PLPBP: variants seen among roughly 807,000 people sequenced by gnomAD.
PLPBP encodes pyridoxal phosphate homeostasis protein.
In PLPBP, 21 loss-of-function variants were observed where a neutral mutation model predicts 31.2. The observed-to-expected ratio is 0.67, with a 90% CI of 0.48 to 0.97. The LOEUF (loss-of-function observed/expected upper bound fraction) is 0.97. PLPBP is among the 50% of genes least tolerant of loss of function. The pLI is 0.00. For synonymous variants in PLPBP, 124 were observed against 135.6 expected (o/e 0.91, Z 0.59); for missense variants, 308 against 354.4 (o/e 0.87, Z 1.05).
intron 4 of PLPBP, among the ~76,000 whole-genome samples, chr8:37,767,561 A>G (rs957256796): frequency 1.3e-5 from 2 of 152,140 alleles, no homozygotes; most frequent in African/African-American, 4.8e-5. Flanking sequence ...GTATAAGTAT[A>G]TTACAATTTG....
rs1156278292 is a variant in PLPBP, at chr8:37,779,006, C to T, written c.*902C>T. 1 of 151,880 alleles carries T rather than the reference C, an allele frequency of 6.6e-6. No individual in the cohort carries two copies. The highest frequency in any genetic ancestry group is 1.5e-5 in the Non-Finnish European group (1 of 68,010). 9.4% of individuals were successfully genotyped at this position (151,880 alleles called of 1,614,324 possible). ...ATGCTGTCACATTTCTTAAAGCAAC[C>T]TTTTAATATGCAGATAATACCCCCC... On this transcript the variant is annotated 3_prime_UTR_variant, in exon 8 of 8. Coordinates refer to ENST00000328195, the MANE Select transcript of PLPBP (RefSeq NM_007198.4).
intron 5 of PLPBP, among the ~76,000 whole-genome samples, chr8:37,773,237 G>C (rs895360368): frequency 6.7e-6 from 1 of 150,298 alleles, no homozygotes; most frequent in African/African-American, 2.5e-5. Flanking sequence ...GTGCGATCTC[G>C]GCTCACTGCA....
intron 7 of PLPBP, 96 bp from the exon 8 acceptor site, chr8:37,777,877 A>G: frequency 7.2e-7 from 1 of 1,390,000 alleles, no homozygotes; most frequent in Non-Finnish European, 9.9e-7. Context: ...CGTCCATAGA[A>G]GGCTCTTGAG....
At chr8:37,766,257 C>T (rs1343919532) in intron 3 of PLPBP, 23 bp from the exon 4 acceptor site, 10 of 1,586,418 alleles carry the variant, frequency 6.3e-6, no homozygotes, top group South Asian at 1.1e-5. Flanking sequence ...CTGAATTACA[C>T]ATGGTTACCT....
At chr8:37,762,934 CTG>C (rs1246211368) in intron 1 of PLPBP, among the ~76,000 whole-genome samples, 176 bp downstream of exon 1, 2 of 152,178 alleles carry the variant, frequency 1.3e-5, no homozygotes, top group African/African-American at 4.8e-5. Context: ...TACCTTGAGT[CTG>C]TTAGGTTTTC....
rs1174749118 is a variant in PLPBP at position 37,778,907 on chromosome 8, ACTC to A, written c.*806_*808del. 1 of 149,324 alleles carries A rather than the reference ACTC, an allele frequency of 6.7e-6. No individual in the cohort carries two copies. Among genetic ancestry groups the A allele is most frequent in the Non-Finnish European group, 1.5e-5 (1 of 67,580 alleles). The allele number at this position is 149,324 out of a possible 1,614,324, so 9.2% of individuals were successfully genotyped here. A position where few individuals can be genotyped will look rare whatever the true frequency, so the allele number is the denominator to read the frequency against. On this transcript the variant is annotated 3_prime_UTR_variant, in exon 8 of 8. Transcript: ENST00000328195. ...CAGTGAGCTATGATTGCACCACTGT[ACTC>A]CTGCCTTAAAAAAAAAAAAAAAATC...
chr8:37,774,930 A>C (rs115792501), intron 5 of PLPBP: 4 of 158,734 alleles, frequency 2.5e-5, no homozygotes, highest in Admixed American at 1.9e-4. Flanking sequence ...CATGTACTTT[A>C]TACTAAATTT....
rs1803596786 is a variant in PLPBP, at chr8:37,765,430, G to A, written c.100-96G>A. 1.9e-5 allele frequency: 22 copies of A among 1,171,382 alleles called. No individual in the cohort carries two copies. In the South Asian group the frequency reaches 2.7e-4, roughly 14 times the overall value. The allele number at this position is 1,171,382 out of a possible 1,614,324, so 72.6% of individuals were successfully genotyped here. A position where few individuals can be genotyped will look rare whatever the true frequency, so the allele number is the denominator to read the frequency against. On this transcript the variant is annotated intron_variant, in intron 1 of 7. Coordinates refer to ENST00000328195, the MANE Select transcript of PLPBP (RefSeq NM_007198.4). ...TGGATCTTACCTAATGCCAAGTTGA[G>A]ATCAATGCCTGTCTATCCTACAGGA...
intron 4 of PLPBP, among the ~76,000 whole-genome samples, chr8:37,770,669 C>T (rs979913031): frequency 5.1e-4 from 78 of 152,316 alleles, no homozygotes; most frequent in African/African-American, 1.8e-3. Context: ...CCTCCATCTC[C>T]TGGGTTCAAG....
In PLPBP at chr8:37,779,686, CAG is replaced by C. The variant is rs1417887358; in HGVS notation, c.*1585_*1586del. ...CAGTGAGAGCTACAGTGTGATATTT[CAG>C]AGTCTATTAAATAAAAATGTGAGTT... On this transcript the variant is annotated 3_prime_UTR_variant, in exon 8 of 8. Transcript: ENST00000328195. 1 of 152,672 alleles carries C rather than the reference CAG, an allele frequency of 6.5e-6. No individual in the cohort carries two copies. The highest frequency in any genetic ancestry group is 1.9e-4 in the East Asian group (1 of 5,198). 9.5% of individuals were successfully genotyped at this position (152,672 alleles called of 1,614,324 possible). A position where few individuals can be genotyped will look rare whatever the true frequency, so the allele number is the denominator to read the frequency against.
At position 37,775,960 on chromosome 8, in the gene PLPBP, A is replaced by G; in HGVS notation, c.640A>G (p.Ile214Val). The G allele has an allele frequency of 1.9e-6, 3 of 1,614,040 alleles. No individual in the cohort carries two copies. Among genetic ancestry groups the G allele is most frequent in the Non-Finnish European group, 2.5e-6 (3 of 1,179,972 alleles). ...GGAGGAGCTGTGTAAAAAGCTGAAC[A>G]TCCCTGCTGACCAGGTTGAGCTGAG... Reference protein sequence around the residue: ...LREELCKKLNIPADQVELSMG... With the variant: ...LREELCKKLNVPADQVELSMG... The change falls in exon 7 of 8, where the codon ATC becomes GTC. Residue 214 changes from isoleucine (I) to valine (V), a missense_variant. By Grantham distance (29) the Ile-to-Val change is conservative. Transcript: ENST00000328195.
Position 37,775,411 on chromosome 8 carries a change from A to T in PLPBP, c.527A>T (p.Glu176Val). Residue 176 changes from glutamate to valine, a missense_variant, in exon 6 of 8, where the codon GAG (glutamate) becomes GTG (valine). This residue lies in a region of PLPBP where 188 missense variants were observed against 259.3 expected (regional missense o/e 0.73). Coordinates refer to ENST00000328195, the MANE Select transcript of PLPBP (RefSeq NM_007198.4). ...EHINAKCPNLEFVGLMTIGSF... is the reference protein window; with the variant it reads ...EHINAKCPNLVFVGLMTIGSF... ...ATAAACGCCAAGTGTCCTAACCTGGAGTTTGTGGGGCTGATGACCATAGGA... is the reference window on the plus strand; with the variant it reads ...ATAAACGCCAAGTGTCCTAACCTGGTGTTTGTGGGGCTGATGACCATAGGA... The T allele has an allele frequency of 6.2e-7, 1 of 1,614,170 alleles. No individual in the cohort carries two copies. The highest frequency in any genetic ancestry group is 8.5e-7 in the Non-Finnish European group (1 of 1,180,042).
rs377317462 is a variant in PLPBP, at chr8:37,766,369, A to G, written c.319+14A>G. On this transcript the variant is annotated intron_variant, in intron 4 of 7. Transcript: ENST00000328195. ...ACAAATTGATGGGTAAGATAAAATTAAATATGAAAACAAAATTGTTCTGTC... is the reference window on the plus strand; with the variant it reads ...ACAAATTGATGGGTAAGATAAAATTGAATATGAAAACAAAATTGTTCTGTC... The G allele has an allele frequency of 1.4e-5, 22 of 1,592,518 alleles. No individual in the cohort carries two copies. Among genetic ancestry groups the G allele is most frequent in the Non-Finnish European group, 1.9e-5 (22 of 1,164,628 alleles).
intron 4 of PLPBP, among the ~76,000 whole-genome samples, chr8:37,767,981 G>GT (rs1323729385): frequency 6.6e-6 from 1 of 151,288 alleles, no homozygotes; most frequent in Non-Finnish European, 1.5e-5. Flanking sequence ...AATTTTTTAC[G>GT]TTTTTAGTAG....
intron 4 of PLPBP, among the ~76,000 whole-genome samples, chr8:37,771,382 C>G (rs997709850): frequency 1.3e-5 from 2 of 151,720 alleles, no homozygotes; most frequent in African/African-American, 4.8e-5. Flanking sequence ...TCAAGTGATT[C>G]GACCACCTCG....
intron 7 of PLPBP, 143 bp downstream of exon 7, chr8:37,776,159 C>G: frequency 1.4e-6 from 1 of 735,496 alleles, no homozygotes; most frequent in Non-Finnish European, 2.3e-6. Flanking sequence ...GCTATTCCAG[C>G]ATCTCCCATT....
chr8:37,776,276 GAC>G (rs1201174826), intron 7 of PLPBP, among the ~76,000 whole-genome samples: 1 of 152,056 alleles, frequency 6.6e-6, no homozygotes, highest in Non-Finnish European at 1.5e-5. Flanking sequence ...AGGAGTTCGA[GAC>G]CAGCCTGACC....
chr8:37,774,186 G>GGCT, intron 5 of PLPBP, among the ~76,000 whole-genome samples: 2 of 152,102 alleles, frequency 1.3e-5, no homozygotes, highest in Non-Finnish European at 2.9e-5. Context: ...ACTCCAGCCT[G>GGCT]GGCGACAGAG....
chr8:37,778,170 C>T lies in PLPBP; in HGVS notation c.*66C>T. ...ATTTTCATTTCGATATTCCCTGTGT[C>T]CCAGCGCAGTCCTGCTCTCCTGTGA... On this transcript the variant is annotated 3_prime_UTR_variant, in exon 8 of 8. Transcript: ENST00000328195. The T allele has an allele frequency of 6.4e-7, 1 of 1,570,392 alleles. No homozygotes were observed. Among genetic ancestry groups the T allele is most frequent in the Non-Finnish European group, 8.7e-7 (1 of 1,151,604 alleles).
Sources: allele counts gnomAD v4.1 joint callset (sites outside exome capture counted in the v4.1 genomes callset), GRCh38; gene constraint gnomAD v4.1.1; regional missense constraint gnomAD v4.1.1; transcripts MANE v1.5; gene names NCBI Gene and HGNC (gene_info 2026-07-23, HGNC 2026-07-21).